Variants in ERI3 observed in about 807,000 individuals in gnomAD.
ERI3 encodes ERI1 exoribonuclease 3.
Under a neutral mutation model 44.4 loss-of-function variants are expected in ERI3, and 18 were observed. The ratio of observed to expected loss-of-function variants is 0.41; its 90% CI spans 0.28 to 0.60. The LOEUF is 0.60. ERI3 is among the 20% of genes least tolerant of loss of function. ERI3 has a pLI of 0.36. For missense variants in ERI3, 294 were observed against 435.5 expected, an observed-to-expected ratio of 0.68 and a Z score of 2.89; for synonymous variants, 183 against 164.8, an observed-to-expected ratio of 1.11 and a Z score of -0.84.
intron 8 of ERI3, among the ~76,000 whole-genome samples, chr1:44,224,824 A>G (rs1643996306): frequency 6.6e-6 from 1 of 152,222 alleles, no homozygotes; most frequent in African/African-American, 2.4e-5. Flanking sequence ...CAATAAAGAG[A>G]GACCAGGGAA....
chr1:44,354,167 G>A lies in ERI3; in HGVS notation c.135+725C>T, dbSNP rs1646950405. 3.0e-6 allele frequency: 3 copies of A among 985,258 alleles called. No homozygotes were observed. The East Asian group carries it at 3.4e-4, about 112-fold the overall frequency. 61.0% of individuals were successfully genotyped at this position (985,258 alleles called of 1,614,324 possible). A position where few individuals can be genotyped will look rare whatever the true frequency, so the allele number is the denominator to read the frequency against. On this transcript the variant is annotated intron_variant, in intron 1 of 8. Transcript: ENST00000372257. ...CACAACCTACTATAGTTTGAATAGC[G>A]TACACTCTTTTAGCCAATAGGATTC... is the stretch of plus-strand genomic sequence containing the variant.
intron 2 of ERI3, among the ~76,000 whole-genome samples, chr1:44,349,477 A>G (rs1255030341): frequency 6.6e-6 from 1 of 152,154 alleles, no homozygotes; most frequent in Admixed American, 6.5e-5. Flanking sequence ...GGGATTCTAA[A>G]TGAACACCCA....
chr1:44,344,149 A>T (rs1267851792), intron 2 of ERI3, among the ~76,000 whole-genome samples: 1 of 151,840 alleles, frequency 6.6e-6, no homozygotes, highest in Non-Finnish European at 1.5e-5. Context: ...GAGGCAGGAG[A>T]ATCGCTTGAA....
At chr1:44,281,878 ATGTGTGTGTG>A (rs10574197) in intron 7 of ERI3, among the ~76,000 whole-genome samples, 5,102 of 126,984 alleles carry the variant, frequency 0.04, 276 homozygotes, top group African/African-American at 0.13. Context: ...ACATGTGCAT[ATGTGTGTGTG>A]TGTGTGTGTG....
At position 44,319,007 on chromosome 1, in the gene ERI3, T is replaced by G. The variant is rs564148231; in HGVS notation, c.606+621A>C. Among the ~76,000 whole-genome samples, 7 of 152,256 alleles carry G rather than the reference T, an allele frequency of 4.6e-5. No homozygotes were observed. In the South Asian group the frequency reaches 1.2e-3, roughly 27 times the overall value. ...GCTCTTTTGAGCCTCCAGCAATCAT[T>G]AAAATCTCAGTTAGGCCCAGTTTCA... On this transcript the variant is annotated intron_variant, in intron 4 of 8. Coordinates refer to ENST00000372257, the MANE Select transcript of ERI3 (RefSeq NM_024066.3).
At chr1:44,301,903 A>G (rs1645734105) in intron 6 of ERI3, among the ~76,000 whole-genome samples, 1 of 152,264 alleles carries the variant, frequency 6.6e-6, no homozygotes, top group Non-Finnish European at 1.5e-5. Context: ...GGTAGCAAAC[A>G]GCACACAGCC....
chr1:44,295,229 T>C (rs1259319797), intron 6 of ERI3, among the ~76,000 whole-genome samples: 1 of 152,130 alleles, frequency 6.6e-6, no homozygotes, highest in African/African-American at 2.4e-5. Flanking sequence ...GGGCAGGGCT[T>C]TTCCCCATCT....
chr1:44,333,045 T>A (rs1165518364), intron 3 of ERI3, among the ~76,000 whole-genome samples: 1 of 151,784 alleles, frequency 6.6e-6, no homozygotes, highest in Non-Finnish European at 1.5e-5. Context: ...ATTCCAGGAG[T>A]CGGGAGCCTG....
intron 2 of ERI3, among the ~76,000 whole-genome samples, chr1:44,350,313 G>C (rs2154332364): frequency 6.6e-6 from 1 of 151,686 alleles, no homozygotes; most frequent in East Asian, 1.9e-4. Flanking sequence ...CCAGGCTGGA[G>C]TAAAGTGGCA....
chr1:44,255,023 A>C (rs1342250386), intron 7 of ERI3, among the ~76,000 whole-genome samples: 1 of 152,114 alleles, frequency 6.6e-6, no homozygotes, highest in Non-Finnish European at 1.5e-5. Flanking sequence ...CTCTTTGTAA[A>C]ATGGGGGTTA....
chr1:44,231,672 A>G (rs1644187774), intron 8 of ERI3, among the ~76,000 whole-genome samples: 1 of 152,088 alleles, frequency 6.6e-6, no homozygotes, highest in Non-Finnish European at 1.5e-5. Context: ...GATGTACCCA[A>G]CAGCCACCTG....
chr1:44,262,587 C>G (rs753436176), intron 7 of ERI3, among the ~76,000 whole-genome samples: 1 of 152,216 alleles, frequency 6.6e-6, no homozygotes, highest in Admixed American at 6.5e-5. Context: ...CAAGACTACC[C>G]TATCCCTTAG....
At chr1:44,244,715 C>T (rs1644516872) in intron 8 of ERI3, among the ~76,000 whole-genome samples, 1 of 152,086 alleles carries the variant, frequency 6.6e-6, no homozygotes, top group Non-Finnish European at 1.5e-5. Context: ...CTGAAGCCAA[C>T]ACTGACCATG....
chr1:44,352,317 G>A (rs1161373850), intron 2 of ERI3, among the ~76,000 whole-genome samples: 2 of 152,152 alleles, frequency 1.3e-5, no homozygotes, highest in East Asian at 1.9e-4. Flanking sequence ...AGGTGTAGTG[G>A]CACATGCCTG....
chr1:44,248,447 A>C (rs1209092277), intron 7 of ERI3, among the ~76,000 whole-genome samples: 1 of 152,084 alleles, frequency 6.6e-6, no homozygotes, highest in Non-Finnish European at 1.5e-5. Flanking sequence ...TACTGTTCAC[A>C]AAGACTAGCT....
Position 44,306,428 on chromosome 1 carries a change from G to A in ERI3, c.758+1882C>T, listed in dbSNP as rs140098080. On this transcript the variant is annotated intron_variant, in intron 6 of 8. Transcript: ENST00000372257. ...AAGGTGCGGATGCGGTAAGGTATGCGCTCATTAAGACTTGGCTTCCTTTCA... is the reference window on the plus strand; with the variant it reads ...AAGGTGCGGATGCGGTAAGGTATGCACTCATTAAGACTTGGCTTCCTTTCA... Among the ~76,000 whole-genome samples, 1,097 of 152,238 alleles carry A rather than the reference G, an allele frequency of 7.2e-3. 7 individuals are homozygous for A. Among genetic ancestry groups the A allele is most frequent in the Admixed American group, 0.015 (224 of 15,296 alleles).
intron 8 of ERI3, among the ~76,000 whole-genome samples, chr1:44,247,688 C>T (rs1644583590): frequency 6.6e-6 from 1 of 152,104 alleles, no homozygotes; most frequent in Admixed American, 6.5e-5. Context: ...GGCCTGAGTC[C>T]AAGGCCATCT....
At chr1:44,264,601 A>G (rs1438395213) in intron 7 of ERI3, among the ~76,000 whole-genome samples, 1 of 152,170 alleles carries the variant, frequency 6.6e-6, no homozygotes, top group Non-Finnish European at 1.5e-5. Context: ...CTCCTTCCTG[A>G]GCCCCCATAT....
intron 5 of ERI3, among the ~76,000 whole-genome samples, chr1:44,312,445 C>T (rs1645992880): frequency 6.6e-6 from 1 of 152,170 alleles, no homozygotes; most frequent in African/African-American, 2.4e-5. Flanking sequence ...AAGCTAAGAC[C>T]AAGCACTGCC....
Sources: gnomAD v4.1 joint callset for allele counts (sites outside exome capture counted in the v4.1 genomes callset) on GRCh38, gnomAD v4.1.1 for gene constraint, MANE v1.5 for transcripts, NCBI Gene and HGNC (gene_info 2026-07-23, HGNC 2026-07-21) for gene names.